RBFOX1: variants seen among roughly 807,000 people sequenced by gnomAD.
RBFOX1 encodes the protein RNA binding protein fox-1 homolog 1.
A neutral mutation model predicts 57.7 loss-of-function variants in RBFOX1; 8 were observed. The observed-to-expected ratio is 0.14, with a 90% CI of 0.08 to 0.25. The LOEUF is 0.25. RBFOX1 is among the 10% of genes least tolerant of loss of function. The pLI, the probability that RBFOX1 is intolerant of heterozygous loss-of-function variation, is 1.00. For missense variants in RBFOX1, 611 were observed against 548.5 expected, an observed-to-expected ratio of 1.11 and a Z score of -1.14; for synonymous variants, 326 against 222.4, an observed-to-expected ratio of 1.47 and a Z score of -4.15.
At chr16:7,010,384 C>T (rs1009863048) in intron 3 of RBFOX1, among the ~76,000 whole-genome samples, 2 of 152,156 alleles carry the variant, frequency 1.3e-5, no homozygotes, top group African/African-American at 2.4e-5. Context: ...CTAGGACACA[C>T]ACTGGTGAGA....
intron 2 of RBFOX1, among the ~76,000 whole-genome samples, chr16:6,427,817 G>T (rs1160241507): frequency 6.6e-6 from 1 of 152,144 alleles, no homozygotes; most frequent in African/African-American, 2.4e-5. Flanking sequence ...CACAACCTCT[G>T]AAGCCATTTG....
intron 3 of RBFOX1, among the ~76,000 whole-genome samples, chr16:5,630,620 A>C (rs2048477631): frequency 6.6e-6 from 1 of 152,116 alleles, no homozygotes; most frequent in Admixed American, 6.5e-5. Context: ...AAAGGACTGA[A>C]GTTTCCATTG....
At chr16:5,998,254 C>G (rs1157015206) in intron 4 of RBFOX1, among the ~76,000 whole-genome samples, 1 of 152,164 alleles carries the variant, frequency 6.6e-6, no homozygotes, top group Non-Finnish European at 1.5e-5. Flanking sequence ...GGATCTCTCC[C>G]TTAGATCTCT....
intron 4 of RBFOX1, among the ~76,000 whole-genome samples, chr16:7,184,904 A>G (rs925051656): frequency 6.6e-6 from 1 of 152,150 alleles, no homozygotes; most frequent in Admixed American, 6.5e-5. Flanking sequence ...AATATTAACC[A>G]TAATAATGCT....
intron 1 of RBFOX1, among the ~76,000 whole-genome samples, chr16:6,225,688 C>G (rs1471088802): frequency 3.3e-5 from 5 of 151,936 alleles, no homozygotes; most frequent in African/African-American, 1.2e-4. Flanking sequence ...AATGTAATAC[C>G]CTGCTCACAC....
chr16:6,286,650 G>A lies in RBFOX1; in HGVS notation c.-126-30345G>A, dbSNP rs550586071. ...TTCTCCATAGCCTTGCCTGGACTCC[G>A]AGCAGAAGGTTACTGTGTGTTCTTT... On this transcript the variant is annotated intron_variant, in intron 1 of 15. Coordinates refer to ENST00000550418, the MANE Select transcript of RBFOX1 (RefSeq NM_018723.4). Among the ~76,000 whole-genome samples the A allele has an allele frequency of 1.8e-4, 27 of 152,254 alleles. 1 individual carries two copies. Among genetic ancestry groups the A allele is most frequent in the Admixed American group, 9.2e-4 (14 of 15,294 alleles).
intron 3 of RBFOX1, among the ~76,000 whole-genome samples, chr16:6,807,284 A>C (rs185513963): frequency 1.3e-3 from 196 of 152,234 alleles, no homozygotes; most frequent in Middle Eastern, 0.01. Context: ...TGGGAACTAA[A>C]CAGCAGATTC....
Position 6,877,573 on chromosome 16 carries a change from G to A in RBFOX1, c.-15-174484G>A, listed in dbSNP as rs114475097. Among the ~76,000 whole-genome samples the A allele has an allele frequency of 5.7e-3, 866 of 152,250 alleles. 13 individuals carry two copies. The highest frequency in any genetic ancestry group is 0.02 in the African/African-American group (818 of 41,548). Reference sequence around the variant, plus strand: ...CAACTTCTGAATTCACAGCCCCAGAGTCTTGTGTGTGTGCAACAATAACCG... The same window carrying A: ...CAACTTCTGAATTCACAGCCCCAGAATCTTGTGTGTGTGCAACAATAACCG... On this transcript the variant is annotated intron_variant, in intron 3 of 15. Coordinates refer to ENST00000550418, the MANE Select transcript of RBFOX1 (RefSeq NM_018723.4).
chr16:6,573,712 A>G (rs1408413743), intron 2 of RBFOX1: 1 of 152,200 alleles, frequency 6.6e-6, no homozygotes, highest in South Asian at 2.1e-4. Flanking sequence ...CTCCCGAAAG[A>G]GACACTTGGT....
At chr16:7,023,560 G>A (rs1440756580) in intron 3 of RBFOX1, among the ~76,000 whole-genome samples, 1 of 62,176 alleles carries the variant, frequency 1.6e-5, no homozygotes, top group Admixed American at 2.5e-4. Context: ...AACTTCGTCT[G>A]TACTAAAAAA....
chr16:6,271,432 C>T (rs1163273729), intron 1 of RBFOX1, among the ~76,000 whole-genome samples: 1 of 151,880 alleles, frequency 6.6e-6, no homozygotes, highest in Non-Finnish European at 1.5e-5. Flanking sequence ...AAAAAACAAA[C>T]AAAACAAACA....
At chr16:6,530,746 C>T (rs1321481747) in intron 2 of RBFOX1, among the ~76,000 whole-genome samples, 1 of 36,266 alleles carries the variant, frequency 2.8e-5, no homozygotes, top group Non-Finnish European at 4.4e-4. Flanking sequence ...CTTTTATAAA[C>T]CGTCCCTTCC....
At chr16:7,673,381 C>T (rs1458875134) in intron 13 of RBFOX1, among the ~76,000 whole-genome samples, 1 of 152,084 alleles carries the variant, frequency 6.6e-6, no homozygotes, top group Admixed American at 6.5e-5. Context: ...CCTTTCCTTG[C>T]CACCATTAAT....
intron 1 of RBFOX1, among the ~76,000 whole-genome samples, chr16:6,288,881 C>A (rs939150788): frequency 1.3e-5 from 2 of 152,046 alleles, no homozygotes; most frequent in Admixed American, 1.3e-4. Context: ...TCTAGTGGAA[C>A]CAACAGCGAA....
intron 5 of RBFOX1, among the ~76,000 whole-genome samples, chr16:7,579,475 G>C (rs1328572428): frequency 6.6e-6 from 1 of 151,898 alleles, no homozygotes; most frequent in African/African-American, 2.4e-5. Flanking sequence ...GCTTTTCTCT[G>C]TCTGCCAACA....
intron 1 of RBFOX1, among the ~76,000 whole-genome samples, chr16:5,299,430 C>T (rs976768921): frequency 2.6e-5 from 4 of 152,286 alleles, no homozygotes; most frequent in South Asian, 2.1e-4. Context: ...AACATATTCT[C>T]ATTCTTTTAG....
At chr16:7,267,558 T>C (rs138160138) in intron 4 of RBFOX1, among the ~76,000 whole-genome samples, 3 of 145,484 alleles carry the variant, frequency 2.1e-5, no homozygotes, top group African/African-American at 7.7e-5. Context: ...AAAAAAATAA[T>C]AAAATAAAAT....
At chr16:6,911,509 T>G (rs573988062) in intron 3 of RBFOX1, among the ~76,000 whole-genome samples, 1 of 152,264 alleles carries the variant, frequency 6.6e-6, no homozygotes, top group African/African-American at 2.4e-5. Context: ...TAAGCATGTC[T>G]GTCTCCCTGT....
intron 4 of RBFOX1, among the ~76,000 whole-genome samples, chr16:5,963,329 C>G (rs2059786389): frequency 6.6e-6 from 1 of 152,246 alleles, no homozygotes; most frequent in East Asian, 1.9e-4. Context: ...CCCACCATTG[C>G]CATTCTCTGG....
Sources: gnomAD v4.1 joint callset for allele counts (sites outside exome capture counted in the v4.1 genomes callset) on GRCh38, gnomAD v4.1.1 for gene constraint, MANE v1.5 for transcripts, NCBI Gene and HGNC (gene_info 2026-07-23, HGNC 2026-07-21) for gene names.